RBM39: variants seen among roughly 807,000 people sequenced by gnomAD.
The protein encoded by RBM39 is RNA binding motif protein 39.
A neutral mutation model predicts 79.6 loss-of-function variants in RBM39; 12 were observed. That is an observed-to-expected ratio of 0.15 (90% CI 0.10 to 0.24). RBM39 has a LOEUF of 0.24. Ranked by LOEUF, RBM39 falls within the 10% of genes least tolerant of loss-of-function variation. The pLI is 1.00. For synonymous variants in RBM39, 185 were observed against 208.4 expected (o/e 0.89, Z 0.97); for missense variants, 243 against 653.4 (o/e 0.37, Z 6.85).
chr20:35,736,767 C>T, intron 3 of RBM39: 1 of 346,320 alleles, frequency 2.9e-6, no homozygotes, highest in Non-Finnish European at 5.8e-6. Flanking sequence ...TCTCCTGCCT[C>T]AGCCTCCCGA....
intron 9 of RBM39, among the ~76,000 whole-genome samples, chr20:35,718,404 A>C (rs904674397): frequency 9.9e-5 from 15 of 152,154 alleles, no homozygotes; most frequent in Non-Finnish European, 1.5e-4. Flanking sequence ...ATAAACATTT[A>C]GGCTGGGCTC....
chr20:35,725,703 C>T (rs949994231), intron 6 of RBM39, among the ~76,000 whole-genome samples: 1 of 150,218 alleles, frequency 6.7e-6, no homozygotes, highest in East Asian at 1.9e-4. Context: ...TTCTTGTCCC[C>T]CAGGCTTGGA....
intron 12 of RBM39, chr20:35,710,436 AT>A (rs2036260337): frequency 1.3e-5 from 2 of 152,216 alleles, no homozygotes; most frequent in Admixed American, 6.5e-5. Context: ...ATGGGAAAAA[AT>A]GTATAGATAT....
At position 35,719,834 on chromosome 20, in the gene RBM39, T is replaced by C. The variant is rs2037678668; in HGVS notation, c.825+1906A>G. Among the ~76,000 whole-genome samples the C allele has an allele frequency of 2.0e-5, 3 of 152,094 alleles. No individual in the cohort carries two copies. In the South Asian group the frequency reaches 6.2e-4, roughly 32 times the overall value. Reference sequence around the variant, plus strand: ...TTCTTTCGGAGACACTCTGGCTCTGTTATCCAGGCGTGATCTCGGCTCACT... The same window carrying C: ...TTCTTTCGGAGACACTCTGGCTCTGCTATCCAGGCGTGATCTCGGCTCACT... On this transcript the variant is annotated intron_variant, in intron 9 of 16. Transcript: ENST00000253363.
intron 9 of RBM39, among the ~76,000 whole-genome samples, chr20:35,719,174 G>A (rs761489633): frequency 7.2e-5 from 11 of 152,096 alleles, no homozygotes; most frequent in Non-Finnish European, 1.2e-4. Flanking sequence ...GGAACTACAG[G>A]CATATGCCAC....
intron 3 of RBM39, among the ~76,000 whole-genome samples, chr20:35,733,678 C>T (rs1485117861): frequency 1.3e-5 from 2 of 152,098 alleles, no homozygotes; most frequent in Non-Finnish European, 2.9e-5. Flanking sequence ...TTAATGTGAC[C>T]ATTTCAAATA....
At chr20:35,737,541 C>T (rs1351825852) in intron 3 of RBM39, among the ~76,000 whole-genome samples, 1 of 150,664 alleles carries the variant, frequency 6.6e-6, no homozygotes, top group Non-Finnish European at 1.5e-5. Context: ...GCCTGGGTGA[C>T]AAAAACGAAA....
intron 13 of RBM39, 43 bp from the exon 14 acceptor site, chr20:35,707,244 G>GA: frequency 1.4e-6 from 2 of 1,413,610 alleles, no homozygotes; most frequent in Non-Finnish European, 2.0e-6. Context: ...GAAAATGCAT[G>GA]AAAGTATCCC....
Position 35,705,136 on chromosome 20 carries a change from C to CTA in RBM39, c.1413+88_1413+89insTA. On this transcript the variant is annotated intron_variant, in intron 15 of 16. Transcript: ENST00000253363. ...CACACACAAAAACTATAATGGAAGACGGTTAACCATAACATGCACCACATA... is the reference window on the plus strand; with the variant it reads ...CACACACAAAAACTATAATGGAAGACTAGGTTAACCATAACATGCACCACATA... 3.8e-6 allele frequency: 3 copies of CTA among 782,100 alleles called. No individual in the cohort carries two copies. The South Asian group carries it at 4.9e-5, about 13-fold the overall frequency. 48.4% of individuals were successfully genotyped at this position (782,100 alleles called of 1,614,324 possible). A position where few individuals can be genotyped will look rare whatever the true frequency, so the allele number is the denominator to read the frequency against.
intron 9 of RBM39, among the ~76,000 whole-genome samples, chr20:35,719,843 C>T (rs2378392): frequency 1.1e-3 from 166 of 151,988 alleles, no homozygotes; most frequent in African/African-American, 3.9e-3. Context: ...GTTATCCAGG[C>T]GTGATCTCGG....
intron 10 of RBM39, among the ~76,000 whole-genome samples, chr20:35,715,865 G>A (rs1342750963): frequency 2.0e-5 from 3 of 150,878 alleles, no homozygotes; most frequent in African/African-American, 7.4e-5. Context: ...TACTTCACAG[G>A]ATGTCTTCCT....
At chr20:35,723,136 G>T (rs1195007362) in intron 8 of RBM39, among the ~76,000 whole-genome samples, 1 of 151,536 alleles carries the variant, frequency 6.6e-6, no homozygotes, top group Non-Finnish European at 1.5e-5. Context: ...GTAGTTGTTT[G>T]TGATAAAATA....
chr20:35,704,060 A>T lies in RBM39; in HGVS notation c.*421T>A, dbSNP rs2035449435. 6.4e-6 allele frequency: 1 copy of T among 157,464 alleles called. No homozygotes were observed. Among genetic ancestry groups the T allele is most frequent in the South Asian group, 1.8e-4 (1 of 5,492 alleles). The allele number at this position is 157,464 out of a possible 1,614,324, so 9.8% of individuals were successfully genotyped here. On this transcript the variant is annotated 3_prime_UTR_variant, in exon 17 of 17. Transcript: ENST00000253363. Reference sequence around the variant, plus strand: ...TAGCTGTCTTGTATTTCCATACACTAAATGTGTATTTCAGAAACTGCTCAA... The same window carrying T: ...TAGCTGTCTTGTATTTCCATACACTTAATGTGTATTTCAGAAACTGCTCAA...
At chr20:35,737,389 CAAAAA>C (rs58047560) in intron 3 of RBM39, among the ~76,000 whole-genome samples, 1 of 62,256 alleles carries the variant, frequency 1.6e-5, no homozygotes, top group African/African-American at 5.7e-5. Flanking sequence ...AACTCCATCT[CAAAAA>C]AAAAAAAAAA....
chr20:35,712,283 AC>A (rs2036512261), intron 12 of RBM39, among the ~76,000 whole-genome samples: 1 of 151,534 alleles, frequency 6.6e-6, no homozygotes, highest in Non-Finnish European at 1.5e-5. Flanking sequence ...AGCCTGGCCA[AC>A]ATGGTGAAAC....
Position 35,731,988 on chromosome 20 carries a change from G to A in RBM39, c.249C>T (p.Arg83=). The A allele has an allele frequency of 6.2e-7, 1 of 1,614,100 alleles. No homozygotes were observed. The highest frequency in any genetic ancestry group is 1.3e-5 in the African/African-American group (1 of 75,018). Residue 83 remains arginine, a synonymous_variant, in exon 4 of 17, where the codon CGC becomes CGT. Transcript: ENST00000253363. ...RSRSKERRRS[R]SRSRDRRFRG... ...TAAATCTTCGATCTCGACTTCTTGAGCGGCTCCGTCGCCTCTCTTTGCTTC... is the reference window on the plus strand; with the variant it reads ...TAAATCTTCGATCTCGACTTCTTGAACGGCTCCGTCGCCTCTCTTTGCTTC...
chr20:35,734,128 G>T, intron 3 of RBM39: 1 of 1,006,304 alleles, frequency 9.9e-7, no homozygotes, highest in Non-Finnish European at 1.3e-6. Flanking sequence ...CTGCCTCAGA[G>T]AACCTGTAAG....
At position 35,713,255 on chromosome 20, in the gene RBM39, G is replaced by GCAC. The variant is rs1491140258; in HGVS notation, c.1097-160_1097-159insGTG. On this transcript the variant is annotated intron_variant, in intron 11 of 16. Transcript: ENST00000253363. ...CTTAGCTAGCACTCTGGGAGGCCAA[G>GCAC]GGAGGTGGTTCACTTAAATCCCAGA... 4 of 544,500 alleles carry GCAC rather than the reference G, an allele frequency of 7.3e-6. No homozygotes were observed. In the African/African-American group the frequency reaches 7.7e-5, roughly 10 times the overall value. 33.7% of individuals were successfully genotyped at this position (544,500 alleles called of 1,614,324 possible). A position where few individuals can be genotyped will look rare whatever the true frequency, so the allele number is the denominator to read the frequency against.
At position 35,714,170 on chromosome 20, in the gene RBM39, G is replaced by T. The variant is rs1419344519; in HGVS notation, c.1096+15C>A. The T allele has an allele frequency of 9.3e-6, 15 of 1,609,466 alleles. No individual in the cohort carries two copies. Among genetic ancestry groups the T allele is most frequent in the East Asian group, 2.2e-5 (1 of 44,842 alleles). ...TACCCACAGTAAATCATTCGTAATA[G>T]CAAGAAACACTTACCCTCTGCAAGT... On this transcript the variant is annotated intron_variant, in intron 11 of 16. Transcript: ENST00000253363.
Sources: allele counts gnomAD v4.1 joint callset (sites outside exome capture counted in the v4.1 genomes callset), GRCh38; gene constraint gnomAD v4.1.1; transcripts MANE v1.5; gene names NCBI Gene and HGNC (gene_info 2026-07-23, HGNC 2026-07-21).